Variants in GRID2 observed in about 807,000 individuals in gnomAD.
GRID2 encodes glutamate ionotropic receptor delta type subunit 2.
In GRID2, 33 loss-of-function variants were observed where a neutral mutation model predicts 114.8. The observed-to-expected ratio is 0.29, with a 90% CI of 0.22 to 0.38. The LOEUF is 0.38. Among genes scored for constraint, GRID2 ranks in the 10% least tolerant of loss-of-function variants. The probability of loss-of-function intolerance (pLI) is 1.00; values close to 1 mark genes in which losing one functional copy is unlikely to be tolerated. For synonymous variants in GRID2, 505 were observed against 449.9 expected, an observed-to-expected ratio of 1.12 and a Z score of -1.55; for missense variants, 1,184 against 1,257.7, an observed-to-expected ratio of 0.94 and a Z score of 0.89.
chr4:93,045,684 C>A (rs1450453364), intron 2 of GRID2, among the ~76,000 whole-genome samples: 1 of 152,094 alleles, frequency 6.6e-6, no homozygotes, highest in African/African-American at 2.4e-5. Context: ...TGAACTGGGG[C>A]CTGTCCAGCA....
At chr4:93,184,518 A>C (rs1035216858) in intron 4 of GRID2, among the ~76,000 whole-genome samples, 8 of 151,854 alleles carry the variant, frequency 5.3e-5, no homozygotes, top group Non-Finnish European at 1.0e-4. Flanking sequence ...AAAAAAAAAA[A>C]AAAAAAAAAA....
chr4:92,390,402 T>C (rs1260656478), intron 1 of GRID2, among the ~76,000 whole-genome samples: 2 of 152,130 alleles, frequency 1.3e-5, no homozygotes, highest in Non-Finnish European at 2.9e-5. Flanking sequence ...TAATAAAATA[T>C]AGAAATATAG....
At chr4:93,675,473 C>G (rs140761454) in intron 14 of GRID2, among the ~76,000 whole-genome samples, 1 of 152,204 alleles carries the variant, frequency 6.6e-6, no homozygotes, top group East Asian at 1.9e-4. Context: ...TTATTAAACA[C>G]CTACTGCATA....
intron 13 of GRID2, among the ~76,000 whole-genome samples, chr4:93,538,052 TTC>T (rs1207851483): frequency 1.4e-4 from 21 of 151,812 alleles, no homozygotes; most frequent in Non-Finnish European, 7.4e-5. Flanking sequence ...ATTACCTGTA[TTC>T]TCTTTTTAAA....
intron 14 of GRID2, among the ~76,000 whole-genome samples, chr4:93,671,094 A>T (rs942755987): frequency 2.6e-5 from 4 of 152,112 alleles, no homozygotes; most frequent in Admixed American, 2.6e-4. Flanking sequence ...CCAAATTTGA[A>T]ACTGTCCTAT....
chr4:92,621,108 G>A (rs1318771290), intron 2 of GRID2, among the ~76,000 whole-genome samples: 1 of 151,502 alleles, frequency 6.6e-6, no homozygotes, highest in Non-Finnish European at 1.5e-5. Context: ...TTGTTACATA[G>A]GTAAACATGT....
At chr4:92,812,346 TAA>T (rs1208466900) in intron 2 of GRID2, among the ~76,000 whole-genome samples, 1 of 151,944 alleles carries the variant, frequency 6.6e-6, no homozygotes, top group Non-Finnish European at 1.5e-5. Context: ...ATCGGATAAA[TAA>T]AAAAGAGTGA....
At chr4:93,206,045 A>G (rs1260148177) in intron 4 of GRID2, among the ~76,000 whole-genome samples, 2 of 152,080 alleles carry the variant, frequency 1.3e-5, no homozygotes, top group East Asian at 1.9e-4. Context: ...CATTGTGCAC[A>G]TGTAACCTAA....
At chr4:92,338,676 T>C (rs1273018051) in intron 1 of GRID2, among the ~76,000 whole-genome samples, 1 of 152,118 alleles carries the variant, frequency 6.6e-6, no homozygotes, top group Non-Finnish European at 1.5e-5. Context: ...AAAACTTACG[T>C]CTATGTTCCT....
rs570015035 is a variant in GRID2 at position 93,221,407 on chromosome 4, T to C, written c.964-3207T>C. Among the ~76,000 whole-genome samples, 4 of 152,190 alleles carry C rather than the reference T, an allele frequency of 2.6e-5. No homozygotes were observed. The South Asian group carries it at 8.3e-4, about 32-fold the overall frequency. ...GGAGGTGAGTGTGGAGATTTGGTGA[T>C]GTCAAAGAATAAGTGTAGTGCCAGT... On this transcript the variant is annotated intron_variant, in intron 6 of 15. Transcript: ENST00000282020.
At chr4:93,369,139 C>A (rs955237267) in intron 8 of GRID2, among the ~76,000 whole-genome samples, 1 of 152,088 alleles carries the variant, frequency 6.6e-6, no homozygotes, top group African/African-American at 2.4e-5. Flanking sequence ...CTGCACTCCC[C>A]CTAAAGGCTT....
intron 2 of GRID2, among the ~76,000 whole-genome samples, chr4:92,604,465 A>G (rs1207271584): frequency 1.3e-5 from 2 of 152,078 alleles, no homozygotes; most frequent in Non-Finnish European, 1.5e-5. Context: ...ACCTGTTCTC[A>G]CTTATAAGTG....
chr4:93,780,409 C>T (rs185694050), intron 1 of GRID2, among the ~76,000 whole-genome samples: 10 of 152,216 alleles, frequency 6.6e-5, no homozygotes, highest in Non-Finnish European at 1.2e-4. Context: ...AGGAGAAGGG[C>T]GCTAAGAGGT....
intron 2 of GRID2, among the ~76,000 whole-genome samples, chr4:92,634,252 A>C (rs1477156998): frequency 1.4e-4 from 21 of 152,134 alleles, no homozygotes; most frequent in Non-Finnish European, 2.9e-4. Context: ...TAGGAGTCTT[A>C]TGTCTTATTT....
intron 8 of GRID2, among the ~76,000 whole-genome samples, chr4:93,268,033 G>A (rs1212502952): frequency 1.3e-5 from 2 of 152,154 alleles, no homozygotes; most frequent in Non-Finnish European, 2.9e-5. Context: ...ACACTCACCT[G>A]CTCTCACACA....
At chr4:92,475,146 A>C (rs1457270306) in intron 1 of GRID2, among the ~76,000 whole-genome samples, 2 of 148,778 alleles carry the variant, frequency 1.3e-5, no homozygotes, top group Non-Finnish European at 3.0e-5. Context: ...AATAATAATA[A>C]TAATAATAAA....
chr4:93,007,477 G>A (rs1189639501), intron 2 of GRID2, among the ~76,000 whole-genome samples: 1 of 152,098 alleles, frequency 6.6e-6, no homozygotes, highest in African/African-American at 2.4e-5. Flanking sequence ...TTTAAAAAAT[G>A]CAAGGAAAGA....
chr4:92,390,341 T>C (rs1167232319), intron 1 of GRID2, among the ~76,000 whole-genome samples: 1 of 152,150 alleles, frequency 6.6e-6, no homozygotes, highest in Non-Finnish European at 1.5e-5. Context: ...CAAATAAGTG[T>C]CAGATCTAAC....
intron 7 of GRID2, among the ~76,000 whole-genome samples, chr4:93,231,390 CA>C (rs34267723): frequency 0.014 from 1,424 of 104,460 alleles, 14 homozygotes; most frequent in African/African-American, 0.052. Flanking sequence ...CACCCCCTGC[CA>C]AAAAAAAAAA....
Sources: gnomAD v4.1 joint callset for allele counts (sites outside exome capture counted in the v4.1 genomes callset) on GRCh38, gnomAD v4.1.1 for gene constraint, MANE v1.5 for transcripts, NCBI Gene and HGNC (gene_info 2026-07-23, HGNC 2026-07-21) for gene names.